PCDHA7: variants seen among roughly 807,000 people sequenced by gnomAD.
The protein encoded by PCDHA7 is protocadherin alpha 7.
A neutral mutation model predicts 57.2 loss-of-function variants in PCDHA7; 37 were observed. That is an observed-to-expected ratio of 0.65 (90% CI 0.50 to 0.85). The LOEUF (loss-of-function observed/expected upper bound fraction) is 0.85, where lower values mean the gene tolerates loss of function less well. PCDHA7 is among the 40% of genes least tolerant of loss of function. PCDHA7 has a pLI of 0.00. For synonymous variants in PCDHA7, 553 were observed against 558.8 expected, an observed-to-expected ratio of 0.99 and a Z score of 0.15; for missense variants, 1,188 against 1,241.8, an observed-to-expected ratio of 0.96 and a Z score of 0.65.
rs782527785 is a variant in PCDHA7, at chr5:140,882,593, A to C, written c.2355+45855A>C. 1.9e-6 allele frequency: 3 copies of C among 1,614,126 alleles called. No homozygotes were observed. In the African/African-American group the frequency reaches 4.0e-5, roughly 22 times the overall value. On this transcript the variant is annotated intron_variant, in intron 1 of 3. Coordinates refer to ENST00000525929, the MANE Select transcript of PCDHA7 (RefSeq NM_018910.3). ...GGAGTGCAGCATCCACCTGGAGGTG[A>C]TCGTGGACAGGCCTCTGCAGGTTTT...
intron 1 of PCDHA7, chr5:140,851,271 T>C: frequency 1.9e-6 from 2 of 1,067,438 alleles, no homozygotes; most frequent in South Asian, 8.1e-5. Flanking sequence ...TCTACTTGTA[T>C]TGTTTATAAG....
chr5:140,985,357 C>T (rs577732404), intron 3 of PCDHA7, among the ~76,000 whole-genome samples: 1 of 152,298 alleles, frequency 6.6e-6, no homozygotes, highest in East Asian at 1.9e-4. Flanking sequence ...TATAGACCCT[C>T]TGAGGTTATC....
chr5:140,916,437 C>T lies in PCDHA7; in HGVS notation c.2356-62512C>T, dbSNP rs77605255. Among the ~76,000 whole-genome samples the T allele has an allele frequency of 8.0e-3, 1,220 of 152,340 alleles. 6 individuals are homozygous for T. The highest frequency in any genetic ancestry group is 0.019 in the African/African-American group (786 of 41,586). Reference sequence around the variant, plus strand: ...AGCACATCTCAGAACCTAAGGCCCACAGTATACTACCTGGATATCACTGCT... The same window carrying T: ...AGCACATCTCAGAACCTAAGGCCCATAGTATACTACCTGGATATCACTGCT... On this transcript the variant is annotated intron_variant, in intron 1 of 3. Coordinates refer to ENST00000525929, the MANE Select transcript of PCDHA7 (RefSeq NM_018910.3).
At chr5:140,948,351 A>G (rs951541212) in intron 1 of PCDHA7, among the ~76,000 whole-genome samples, 1 of 151,646 alleles carries the variant, frequency 6.6e-6, no homozygotes, top group East Asian at 1.9e-4. Flanking sequence ...TTCTAACCTA[A>G]TAAAATGACT....
intron 1 of PCDHA7, chr5:140,857,764 G>T (rs552891884): frequency 6.3e-7 from 1 of 1,597,520 alleles, no homozygotes; most frequent in Non-Finnish European, 8.6e-7. Flanking sequence ...CTGGCAGCGC[G>T]GGCGGTGCAG....
intron 1 of PCDHA7, chr5:140,865,372 A>G (rs2048845131): frequency 6.6e-6 from 1 of 152,208 alleles, no homozygotes; most frequent in Non-Finnish European, 1.5e-5. Flanking sequence ...TAACCATGTT[A>G]TAGGTAGGGT....
chr5:140,969,049 C>A, intron 1 of PCDHA7: 1 of 1,614,142 alleles, frequency 6.2e-7, no homozygotes, highest in Non-Finnish European at 8.5e-7. Context: ...AACAAGCCAA[C>A]AACAATATTG....
intron 1 of PCDHA7, among the ~76,000 whole-genome samples, chr5:140,900,673 A>G (rs936784929): frequency 3.3e-5 from 5 of 152,210 alleles, no homozygotes; most frequent in African/African-American, 1.2e-4. Flanking sequence ...GAGTGCAGTT[A>G]TCTCTTCAAT....
chr5:140,900,840 T>A (rs6874218), intron 1 of PCDHA7, among the ~76,000 whole-genome samples: 3 of 151,950 alleles, frequency 2.0e-5, no homozygotes, highest in Non-Finnish European at 4.4e-5. Context: ...ATGTACAAAG[T>A]TTCCCTTTTT....
chr5:140,862,513 A>G, intron 1 of PCDHA7: 1 of 408,216 alleles, frequency 2.4e-6, no homozygotes, highest in Non-Finnish European at 4.9e-6. Context: ...ACTCGCTTTC[A>G]TTGTTGGCCA....
At chr5:140,841,597 C>G (rs2150318902) in intron 1 of PCDHA7, 20 of 1,614,072 alleles carry the variant, frequency 1.2e-5, no homozygotes, top group East Asian at 2.2e-5. Context: ...GGATCGACCG[C>G]GAGGAGCTGT....
At chr5:140,892,702 A>G (rs1391662001) in intron 1 of PCDHA7, among the ~76,000 whole-genome samples, 1 of 152,240 alleles carries the variant, frequency 6.6e-6, no homozygotes, top group Admixed American at 6.5e-5. Flanking sequence ...AAATCAGGGT[A>G]ATTAGCATAT....
At chr5:140,849,899 C>A in intron 1 of PCDHA7, 1 of 1,598,504 alleles carries the variant, frequency 6.3e-7, no homozygotes, top group South Asian at 1.1e-5. Flanking sequence ...AGGAGAACAA[C>A]CCGCCGGGCT....
Position 140,884,585 on chromosome 5 carries a change from A to G in PCDHA7, c.2355+47847A>G, listed in dbSNP as rs2060279044. 1.9e-6 allele frequency: 3 copies of G among 1,614,072 alleles called. No individual in the cohort carries two copies. The South Asian group carries it at 3.3e-5, about 18-fold the overall frequency. On this transcript the variant is annotated intron_variant, in intron 1 of 3. Coordinates refer to ENST00000525929, the MANE Select transcript of PCDHA7 (RefSeq NM_018910.3). ...GCATAAGACGGACCTCATGGCCTTC[A>G]GTCCCAGCCTTCCTCCTTGTCTGGG...
intron 1 of PCDHA7, chr5:140,843,517 C>CCGGG (rs2150361691): frequency 1.3e-6 from 2 of 1,595,932 alleles, no homozygotes; most frequent in African/African-American, 2.7e-5. Flanking sequence ...AGGGCGGGTG[C>CCGGG]CGGGCGGGCA....
chr5:140,854,460 A>G (rs2043130450), intron 1 of PCDHA7: 1 of 150,030 alleles, frequency 6.7e-6, no homozygotes, highest in Non-Finnish European at 1.5e-5. Context: ...GAGGCATTCC[A>G]GAGGAGTAGA....
At chr5:140,871,627 G>A (rs1448842330) in intron 1 of PCDHA7, 32 of 1,398,812 alleles carry the variant, frequency 2.3e-5, no homozygotes, top group African/African-American at 4.4e-5. Flanking sequence ...AGATAACAAT[G>A]TCTGTTCATA....
At chr5:140,918,971 T>C (rs1342049692) in intron 1 of PCDHA7, among the ~76,000 whole-genome samples, 3 of 152,234 alleles carry the variant, frequency 2.0e-5, no homozygotes, top group Admixed American at 6.5e-5. Flanking sequence ...AGATATCGTT[T>C]AGGTTAGTTG....
intron 1 of PCDHA7, chr5:140,862,835 G>T (rs781856164): frequency 3.5e-6 from 2 of 575,630 alleles, no homozygotes; most frequent in African/African-American, 1.9e-5. Flanking sequence ...CGCGACGCGG[G>T]CATGCCGCCT....
Sources: gnomAD v4.1 joint callset for allele counts (sites outside exome capture counted in the v4.1 genomes callset) on GRCh38, gnomAD v4.1.1 for gene constraint, MANE v1.5 for transcripts, NCBI Gene and HGNC (gene_info 2026-07-23, HGNC 2026-07-21) for gene names.